Variants in RCOR1 observed in about 807,000 individuals in gnomAD.
RCOR1 encodes REST corepressor.
RCOR1 carries 12 observed loss-of-function variants against 64.0 expected under a neutral mutation model. That is an observed-to-expected ratio of 0.19 (90% CI 0.12 to 0.30). The LOEUF is 0.30. Among genes scored for constraint, RCOR1 ranks in the 10% least tolerant of loss-of-function variants. The pLI, the probability that RCOR1 is intolerant of heterozygous loss-of-function variation, is 1.00. For synonymous variants in RCOR1, 279 were observed against 227.2 expected (o/e 1.23, Z -2.05); for missense variants, 502 against 621.2 (o/e 0.81, Z 2.04).
chr14:102,648,315 G>A lies in RCOR1; in HGVS notation c.362-33580G>A, dbSNP rs377751281. ...GCTGGTCTTGAACTCTTGATCTCAG[G>A]TGATCTGCCTGCCTTGGCCTCCCGA... On this transcript the variant is annotated intron_variant, in intron 2 of 11. Coordinates refer to ENST00000262241, the MANE Select transcript of RCOR1 (RefSeq NM_015156.4). Among the ~76,000 whole-genome samples the A allele has an allele frequency of 1.2e-4, 18 of 152,314 alleles. No individual in the cohort carries two copies. The East Asian group carries it at 3.3e-3, about 28-fold the overall frequency.
intron 2 of RCOR1, among the ~76,000 whole-genome samples, chr14:102,631,369 A>AT (rs34740338): frequency 1.9e-3 from 275 of 143,870 alleles, no homozygotes; most frequent in Middle Eastern, 7.2e-3. Context: ...TGCCCAGCTA[A>AT]TTTTTTTTTT....
At chr14:102,685,496 T>C (rs532499593) in intron 3 of RCOR1, among the ~76,000 whole-genome samples, 1 of 152,246 alleles carries the variant, frequency 6.6e-6, no homozygotes, top group Non-Finnish European at 1.5e-5. Context: ...TTTTTTTTTT[T>C]TTTGAGACAG....
chr14:102,616,258 G>T (rs1349834824), intron 2 of RCOR1, among the ~76,000 whole-genome samples: 1 of 133,622 alleles, frequency 7.5e-6, no homozygotes, highest in African/African-American at 2.8e-5. Context: ...GTATGTGTGT[G>T]TGTGTATATA....
intron 10 of RCOR1, among the ~76,000 whole-genome samples, chr14:102,721,981 C>T (rs768890121): frequency 6.6e-6 from 1 of 152,120 alleles, no homozygotes; most frequent in Non-Finnish European, 1.5e-5. Context: ...AATGGGAAGA[C>T]AGATATCAAA....
intron 2 of RCOR1, chr14:102,662,503 G>T: frequency 1.9e-6 from 1 of 522,782 alleles, no homozygotes; most frequent in Non-Finnish European, 3.8e-6. Flanking sequence ...GGTCAAGCTT[G>T]TTTCTCCTGG....
intron 2 of RCOR1, among the ~76,000 whole-genome samples, chr14:102,602,308 G>A (rs566156283): frequency 1.3e-5 from 2 of 151,598 alleles, no homozygotes; most frequent in Non-Finnish European, 2.9e-5. Context: ...CCTTGTCTTC[G>A]TCATGGTGTT....
chr14:102,647,564 C>T (rs1894803609), intron 2 of RCOR1, among the ~76,000 whole-genome samples: 1 of 152,164 alleles, frequency 6.6e-6, no homozygotes, highest in African/African-American at 2.4e-5. Flanking sequence ...CATGATCTGG[C>T]CACCCCAGCC....
chr14:102,667,500 C>T (rs920553117), intron 2 of RCOR1, among the ~76,000 whole-genome samples: 2 of 151,356 alleles, frequency 1.3e-5, no homozygotes, highest in Non-Finnish European at 2.9e-5. Context: ...GACTCTGTCT[C>T]AATAATAATA....
At chr14:102,658,441 T>C in intron 2 of RCOR1, 1 of 820,002 alleles carries the variant, frequency 1.2e-6, no homozygotes, top group Non-Finnish European at 1.5e-6. Flanking sequence ...TGAGCCAAGA[T>C]CACACCATTG....
At chr14:102,600,568 ATT>A (rs750778582) in intron 2 of RCOR1, among the ~76,000 whole-genome samples, 16 of 126,992 alleles carry the variant, frequency 1.3e-4, no homozygotes, top group Non-Finnish European at 1.8e-4. Context: ...TGCCCAGCTA[ATT>A]TTTTTTTTTT....
intron 2 of RCOR1, among the ~76,000 whole-genome samples, chr14:102,632,530 T>G (rs903922706): frequency 3.3e-5 from 5 of 152,072 alleles, no homozygotes; most frequent in African/African-American, 1.2e-4. Flanking sequence ...AATAGAGAGC[T>G]TTCCTGAAGG....
At chr14:102,714,660 A>C (rs779525284) in intron 8 of RCOR1, 43 bp downstream of exon 8, 1 of 1,417,354 alleles carries the variant, frequency 7.1e-7, no homozygotes, top group Non-Finnish European at 9.6e-7. Flanking sequence ...ATTAATTAGC[A>C]CTTTAGAGGT....
rs755361402 is a variant in RCOR1 at position 102,710,910 on chromosome 14, T to G, written c.780-25T>G. ...CGGAAAATTAGTACAAAATAATCAT[T>G]CAGTAACTTGTTCTTGTCTTCCAGC... On this transcript the variant is annotated intron_variant, in intron 6 of 11. Transcript: ENST00000262241. 2.8e-5 allele frequency: 43 copies of G among 1,530,330 alleles called. No individual in the cohort carries two copies. The South Asian group carries it at 5.0e-4, about 18-fold the overall frequency. 94.8% of individuals were successfully genotyped at this position (1,530,330 alleles called of 1,614,324 possible).
intron 3 of RCOR1, among the ~76,000 whole-genome samples, chr14:102,691,696 T>G (rs190097771): frequency 6.6e-6 from 1 of 152,340 alleles, no homozygotes; most frequent in East Asian, 1.9e-4. Context: ...TAAACATAGC[T>G]GAATGAGTTG....
intron 2 of RCOR1, among the ~76,000 whole-genome samples, chr14:102,652,835 G>A (rs1894618686): frequency 6.6e-6 from 1 of 152,184 alleles, no homozygotes; most frequent in Non-Finnish European, 1.5e-5. Context: ...GGAGGAATGT[G>A]TATCGGGAAG....
chr14:102,679,684 T>G (rs1440448693), intron 2 of RCOR1, among the ~76,000 whole-genome samples: 1 of 152,138 alleles, frequency 6.6e-6, no homozygotes, highest in Admixed American at 6.5e-5. Context: ...TTCATCATGT[T>G]AGCCAGGATG....
At chr14:102,603,924 G>A (rs538215445) in intron 2 of RCOR1, among the ~76,000 whole-genome samples, 1 of 152,134 alleles carries the variant, frequency 6.6e-6, no homozygotes, top group East Asian at 1.9e-4. Flanking sequence ...TATATATTTG[G>A]ATATTCTTTG....
rs1450312741 is a variant in RCOR1, at chr14:102,639,500, TA to T, written c.362-42394del. ...GCTAATTAATTTATTTTTTAATTTT[TA>T]TTTATTTATTTATTTATTTATTTAT... On this transcript the variant is annotated intron_variant, in intron 2 of 11. Coordinates refer to ENST00000262241, the MANE Select transcript of RCOR1 (RefSeq NM_015156.4). Among the ~76,000 whole-genome samples the T allele has an allele frequency of 7.9e-3, 189 of 23,982 alleles. 1 individual carries two copies. Among genetic ancestry groups the T allele is most frequent in the Non-Finnish European group, 8.6e-3 (94 of 10,876 alleles). The allele number at this position is 23,982 out of a possible 152,430, so 15.7% of individuals were successfully genotyped here.
intron 2 of RCOR1, among the ~76,000 whole-genome samples, chr14:102,643,053 C>T (rs997220346): frequency 1.3e-5 from 2 of 152,106 alleles, no homozygotes; most frequent in Non-Finnish European, 2.9e-5. Context: ...GAGGCCGAGG[C>T]GGGCAGATCA....
Sources: allele counts gnomAD v4.1 joint callset (sites outside exome capture counted in the v4.1 genomes callset), GRCh38; gene constraint gnomAD v4.1.1; transcripts MANE v1.5; gene names NCBI Gene and HGNC (gene_info 2026-07-23, HGNC 2026-07-21).